The following PDE3B variants were observed in gnomAD, a reference collection of about 807,000 sequenced individuals.
PDE3B encodes phosphodiesterase 3B.
In PDE3B, 66 loss-of-function variants were observed where a neutral mutation model predicts 116.8. The ratio of observed to expected loss-of-function variants is 0.56; its 90% CI spans 0.46 to 0.69. PDE3B has a LOEUF of 0.69. Ranked by LOEUF, PDE3B falls within the 30% of genes least tolerant of loss-of-function variation. The pLI is 0.00. For missense variants in PDE3B, 1,384 were observed against 1,368.1 expected (o/e 1.01, Z -0.18); for synonymous variants, 595 against 533.6 (o/e 1.12, Z -1.59).
chr11:14,892,119 C>G, the PDE3B span: 7 of 1,611,550 alleles, frequency 4.3e-6, no homozygotes, highest in African/African-American at 2.7e-5. Flanking sequence ...GCTTCAGCAG[C>G]TGGCGGACCC....
chr11:14,726,187 C>A (rs1856301209), intron 1 of PDE3B, among the ~76,000 whole-genome samples: 1 of 152,164 alleles, frequency 6.6e-6, no homozygotes, highest in Non-Finnish European at 1.5e-5. Flanking sequence ...CCCTGACCAC[C>A]CTATATAAAT....
chr11:14,878,349 A>G, the PDE3B span: 8 of 1,534,086 alleles, frequency 5.2e-6, no homozygotes, highest in Admixed American at 1.7e-5. Context: ...ATCTTTACCA[A>G]AATTAATGTC....
intron 1 of PDE3B, among the ~76,000 whole-genome samples, chr11:14,692,646 G>A (rs765686513): frequency 6.6e-6 from 1 of 152,008 alleles, no homozygotes; most frequent in African/African-American, 2.4e-5. Flanking sequence ...GGGGCAACAC[G>A]AATCACTGCA....
chr11:14,843,906 C>G lies in PDE3B; in HGVS notation c.2400C>G (p.Gly800=), dbSNP rs549436326. 1.2e-6 allele frequency: 2 copies of G among 1,614,000 alleles called. No individual in the cohort carries two copies. Among genetic ancestry groups the G allele is most frequent in the Admixed American group, 3.3e-5 (2 of 60,024 alleles). The part of the protein sequence containing the change: ...KSCSNPDESY[G]CLSSNIPALE... ...GCTCTAATCCTGATGAGAGTTATGG[C>G]TGCCTGTCTTCAAACATTCCTGCAT... The change falls in exon 12 of 16, where the codon GGC becomes GGG. Residue 800 remains glycine, a synonymous_variant. Transcript: ENST00000282096.
At chr11:14,662,836 T>G (rs1390495425) in intron 1 of PDE3B, among the ~76,000 whole-genome samples, 6 of 152,194 alleles carry the variant, frequency 3.9e-5, no homozygotes, top group Non-Finnish European at 8.8e-5. Flanking sequence ...GTCTGATTGG[T>G]GTACCTGAAA....
chr11:14,760,686 A>G (rs943386261), intron 1 of PDE3B, among the ~76,000 whole-genome samples: 9 of 152,234 alleles, frequency 5.9e-5, no homozygotes, highest in Non-Finnish European at 8.8e-5. Flanking sequence ...GGAAACAGTC[A>G]TAAGTTGACA....
At chr11:14,854,546 TCTCA>T (rs1300360718) in intron 12 of PDE3B, among the ~76,000 whole-genome samples, 6 of 146,918 alleles carry the variant, frequency 4.1e-5, no homozygotes, top group Admixed American at 6.9e-5. Context: ...TGAGACAGGG[TCTCA>T]CTCTGTTGCC....
intron 12 of PDE3B, among the ~76,000 whole-genome samples, chr11:14,857,532 TC>T (rs1303945485): frequency 6.6e-6 from 1 of 152,190 alleles, no homozygotes; most frequent in Non-Finnish European, 1.5e-5. Flanking sequence ...GCTTTTTCCT[TC>T]TTATGCAGTG....
intron 1 of PDE3B, among the ~76,000 whole-genome samples, chr11:14,722,174 G>A (rs1004378871): frequency 6.6e-6 from 1 of 151,020 alleles, no homozygotes; most frequent in Non-Finnish European, 1.5e-5. Context: ...TAGGGGGACG[G>A]GGGAGGGAAT....
Position 14,787,163 on chromosome 11 carries a change from AGTAGGCATTGATTT to A in PDE3B, c.1278+479_1278+492del, listed in dbSNP as rs569623765. Among the ~76,000 whole-genome samples the A allele has an allele frequency of 2.4e-3, 371 of 152,082 alleles. 3 individuals are homozygous for A. Among genetic ancestry groups the A allele is most frequent in the African/African-American group, 8.4e-3 (349 of 41,556 alleles). ...CACCTACTGAAGATTACTGTAGCCCAGTAGGCATTGATTTTTATATCATTAGAATAGAGGATTAA... is the reference window on the plus strand; with the variant it reads ...CACCTACTGAAGATTACTGTAGCCCATTATATCATTAGAATAGAGGATTAA... On this transcript the variant is annotated intron_variant, in intron 3 of 15. Coordinates refer to ENST00000282096, the MANE Select transcript of PDE3B (RefSeq NM_000922.4).
At chr11:14,898,920 G>A in the PDE3B span, among the ~76,000 whole-genome samples, 1 of 151,898 alleles carries the variant, frequency 6.6e-6, no homozygotes, top group Non-Finnish European at 1.5e-5. Context: ...CGACATATAT[G>A]TCTTTGTGGT....
intron 1 of PDE3B, among the ~76,000 whole-genome samples, chr11:14,761,626 T>G (rs1007282238): frequency 1.3e-5 from 2 of 152,162 alleles, no homozygotes; most frequent in African/African-American, 4.8e-5. Context: ...GTTTTATAAG[T>G]ATAGGATACC....
chr11:14,767,915 T>C (rs530096876), intron 1 of PDE3B, among the ~76,000 whole-genome samples: 4 of 151,232 alleles, frequency 2.6e-5, no homozygotes, highest in Non-Finnish European at 5.9e-5. Flanking sequence ...TTTTTTCGTG[T>C]ATACATATAT....
chr11:14,666,017 A>T (rs1371192002), intron 1 of PDE3B, among the ~76,000 whole-genome samples: 3 of 152,134 alleles, frequency 2.0e-5, no homozygotes. Flanking sequence ...GCATCACACT[A>T]CCTGACTTCA....
intron 7 of PDE3B, among the ~76,000 whole-genome samples, chr11:14,826,146 A>G (rs1859679688): frequency 6.6e-6 from 1 of 152,188 alleles, no homozygotes. Context: ...TTATAGCACT[A>G]AGCAGCCATA....
chr11:14,682,013 C>G (rs1854725527), intron 1 of PDE3B, among the ~76,000 whole-genome samples: 1 of 152,044 alleles, frequency 6.6e-6, no homozygotes, highest in Non-Finnish European at 1.5e-5. Context: ...ATGTTATATA[C>G]TATATTCTTA....
At chr11:14,797,854 A>G (rs1007643961) in intron 4 of PDE3B, among the ~76,000 whole-genome samples, 4 of 152,112 alleles carry the variant, frequency 2.6e-5, no homozygotes, top group African/African-American at 9.7e-5. Flanking sequence ...TTTTATAAAT[A>G]ATTGAATCAT....
intron 1 of PDE3B, among the ~76,000 whole-genome samples, chr11:14,744,723 G>A (rs1315968732): frequency 6.6e-6 from 1 of 152,166 alleles, no homozygotes; most frequent in Non-Finnish European, 1.5e-5. Flanking sequence ...CAGGGTCAGT[G>A]TATGTGACTT....
intron 2 of PDE3B, among the ~76,000 whole-genome samples, chr11:14,781,206 G>A (rs1336337183): frequency 6.6e-6 from 1 of 152,124 alleles, no homozygotes; most frequent in Non-Finnish European, 1.5e-5. Flanking sequence ...AGGACCAGAC[G>A]GAGTCACAGC....
Sources: allele counts gnomAD v4.1 joint callset (sites outside exome capture counted in the v4.1 genomes callset), GRCh38; gene constraint gnomAD v4.1.1; transcripts MANE v1.5; gene names NCBI Gene and HGNC (gene_info 2026-07-23, HGNC 2026-07-21).